The following TRPV1 variants were observed in gnomAD, a reference collection of about 807,000 sequenced individuals.
The protein encoded by TRPV1 is transient receptor potential cation channel subfamily V member 1, also known as OTRPC1.
In TRPV1, 82 loss-of-function variants were observed where a neutral mutation model predicts 82.3. The ratio of observed to expected loss-of-function variants is 1.00; its 90% CI spans 0.83 to 1.20. The LOEUF (loss-of-function observed/expected upper bound fraction) is 1.20, where lower values mean the gene tolerates loss of function less well. Ranked by LOEUF, TRPV1 falls within the 50% of genes most tolerant of loss-of-function variation. The pLI, the probability that TRPV1 is intolerant of heterozygous loss-of-function variation, is 0.00. For missense variants in TRPV1, 1,067 were observed against 1,096.8 expected, an observed-to-expected ratio of 0.97 and a Z score of 0.38; for synonymous variants, 515 against 467.7, an observed-to-expected ratio of 1.10 and a Z score of -1.30.
intron 8 of TRPV1, among the ~76,000 whole-genome samples, chr17:3,587,392 AC>A (rs1459119876): frequency 1.3e-5 from 2 of 152,198 alleles, no homozygotes; most frequent in African/African-American, 2.4e-5. Flanking sequence ...TCAGAGCATC[AC>A]CTTAGAAAGA....
At chr17:3,601,606 T>C (rs1156641023) in intron 2 of TRPV1, among the ~76,000 whole-genome samples, 6 of 144,254 alleles carry the variant, frequency 4.2e-5, no homozygotes, top group African/African-American at 1.5e-4. Flanking sequence ...ATTTCTCACC[T>C]TTTTTTTTTA....
In TRPV1 at chr17:3,603,225, T is replaced by G. The variant is rs887804995; in HGVS notation, c.-34+5202A>C. Among the ~76,000 whole-genome samples the G allele has an allele frequency of 1.6e-4, 24 of 152,234 alleles. No individual in the cohort carries two copies. In the Middle Eastern group the frequency reaches 0.02, roughly 129 times the overall value. ...GTGCCCAAGAGTCTAAAAGACCAGC[T>G]TCCGTGGAGGGCAGCGGTCTGCGAG... is the stretch of plus-strand genomic sequence containing the variant. On this transcript the variant is annotated intron_variant, in intron 2 of 16. Coordinates refer to ENST00000572705, the MANE Select transcript of TRPV1 (RefSeq NM_080704.4).
chr17:3,591,131 G>C lies in TRPV1; in HGVS notation c.452-15C>G. 6.2e-7 allele frequency: 1 copy of C among 1,611,164 alleles called. No individual in the cohort carries two copies. The stretch of plus-strand genomic sequence containing the variant: ...TGTCTCAGGGTCTGAAAGACATAAG[G>C]GAGGGTCAGGGCAGGCCAGGGCTGG... On this transcript the variant is annotated splice_polypyrimidine_tract_variant and intron_variant, in intron 4 of 16. Transcript: ENST00000572705.
intron 3 of TRPV1, 22 bp from the exon 4 acceptor site, chr17:3,591,375 C>T (rs779648814): frequency 8.4e-6 from 13 of 1,548,614 alleles, no homozygotes; most frequent in South Asian, 3.7e-5. Context: ...AAAACACGCT[C>T]GTCTCATACC....
intron 8 of TRPV1, 68 bp from the exon 9 acceptor site, chr17:3,585,994 C>T (rs967657050): frequency 5.9e-5 from 93 of 1,584,700 alleles, no homozygotes; most frequent in African/African-American, 9.4e-5. Flanking sequence ...CACACCAGCC[C>T]GTGGTGCCCC....
intron 11 of TRPV1, among the ~76,000 whole-genome samples, chr17:3,580,102 A>AC (rs200143863): frequency 6.7e-6 from 1 of 149,742 alleles, no homozygotes; most frequent in Non-Finnish European, 1.5e-5. Flanking sequence ...AGGTCGCACA[A>AC]CCCCCCGTTA....
At chr17:3,581,757 CACCT>C (rs1567664443) in intron 10 of TRPV1, among the ~76,000 whole-genome samples, 1 of 139,062 alleles carries the variant, frequency 7.2e-6, no homozygotes, top group East Asian at 2.8e-4. Context: ...CGGTGGCACG[CACCT>C]GTAGTCCCAG....
chr17:3,591,331 C>A lies in TRPV1; in HGVS notation c.307G>T (p.Ala103Ser). 1.9e-6 allele frequency: 3 copies of A among 1,591,708 alleles called. No homozygotes were observed. Among genetic ancestry groups the A allele is most frequent in the Non-Finnish European group, 2.6e-6 (3 of 1,170,668 alleles). ...CTGAGGGTCTTCTCGGTGCTGGCGG[C>A]GACAGAGTCCTGGGACAGCAGCCTG... ...GARLLSQDSV[A>S]ASTEKTLRLY... The change falls in exon 4 of 17, where the codon GCC (alanine) becomes TCC (serine). Residue 103 changes from alanine (A) to serine (S), a missense_variant. Physicochemically the swap from Ala to Ser is moderately conservative, Grantham distance 99. Coordinates refer to ENST00000572705, the MANE Select transcript of TRPV1 (RefSeq NM_080704.4).
At chr17:3,607,847 G>A (rs1449064592) in intron 2 of TRPV1, among the ~76,000 whole-genome samples, 5 of 152,068 alleles carry the variant, frequency 3.3e-5, no homozygotes, top group African/African-American at 4.8e-5. Flanking sequence ...AAAGTAGAAC[G>A]GTTTTAACAA....
At position 3,590,066 on chromosome 17, in the gene TRPV1, A is replaced by C; in HGVS notation, c.785T>G (p.Leu262Arg). 1 of 1,603,102 alleles carries C rather than the reference A, an allele frequency of 6.2e-7. No homozygotes were observed. The highest frequency in any genetic ancestry group is 8.5e-7 in the Non-Finnish European group (1 of 1,175,286). Residue 262 changes from leucine (L) to arginine (R), a missense_variant, in exon 7 of 17, where the codon CTG (leucine) becomes CGG (arginine). Leu to Arg is a moderately radical substitution (Grantham distance 102, BLOSUM62 -2). Transcript: ENST00000572705. ...CTGCAGCAGGAACTTCACGATGCCC[A>C]GCTGGTTGGTGCACGCGGCCAGGGA... ...PLSLAACTNQ[L>R]GIVKFLLQNS... is the part of the protein sequence containing the mutation.
rs222747 is a variant in TRPV1, at chr17:3,589,906, C to A, written c.945G>T (p.Met315Ile). The change falls in exon 7 of 17, where the codon ATG (methionine) becomes ATT (isoleucine). Residue 315 changes from methionine (M) to isoleucine (I), a missense_variant. Transcript: ENST00000572705. ...FVTSMYNEIL[M>I]LGAKLHPTLK... is the part of the protein sequence containing the mutation. ...GCGTCGGGTGCAGTTTGGCCCCCAGCATCAGAATCTCATTGTACATGCTCG... is the reference window on the plus strand; with the variant it reads ...GCGTCGGGTGCAGTTTGGCCCCCAGAATCAGAATCTCATTGTACATGCTCG... 1 of 1,598,226 alleles carries A rather than the reference C, an allele frequency of 6.3e-7. No homozygotes were observed. Among genetic ancestry groups the A allele is most frequent in the Non-Finnish European group, 8.5e-7 (1 of 1,172,858 alleles).
chr17:3,577,539 T>C, intron 12 of TRPV1, 59 bp downstream of exon 12: 3 of 1,534,436 alleles, frequency 2.0e-6, no homozygotes, highest in Non-Finnish European at 2.6e-6. Flanking sequence ...TGGCCCCATC[T>C]CACATGACCA....
chr17:3,585,445 C>T (rs933106209), intron 9 of TRPV1: 1 of 269,022 alleles, frequency 3.7e-6, no homozygotes, highest in South Asian at 5.2e-5. Context: ...GCCACCATGC[C>T]CGGCCCCTGC....
At chr17:3,596,610 C>T (rs896580532) in intron 2 of TRPV1, among the ~76,000 whole-genome samples, 1 of 152,230 alleles carries the variant, frequency 6.6e-6, no homozygotes, top group East Asian at 1.9e-4. Flanking sequence ...CCTCCTCCCC[C>T]GAGGACGGCT....
At chr17:3,597,798 C>T (rs1453776998) in intron 2 of TRPV1, among the ~76,000 whole-genome samples, 3 of 151,960 alleles carry the variant, frequency 2.0e-5, no homozygotes, top group African/African-American at 4.8e-5. Flanking sequence ...CTCAGCCTCC[C>T]GAATAGCTGC....
chr17:3,591,077 A>AGCATGGCT lies in TRPV1; in HGVS notation c.483_490dup (p.Leu164GlnfsTer27). 1 of 1,613,220 alleles carries AGCATGGCT rather than the reference A, an allele frequency of 6.2e-7. No individual in the cohort carries two copies. Among genetic ancestry groups the AGCATGGCT allele is most frequent in the South Asian group, 1.1e-5 (1 of 90,826 alleles). On this transcript the variant is annotated frameshift_variant, in exon 5 of 17. Transcript: ENST00000572705. LOFTEE classifies it high-confidence loss of function. ...GGTGTTCTGTCCGTCGTGCAGGTTGAGCATGGCTTTCAGCAGACAGGTCTT... is the reference window on the plus strand; with the variant it reads ...GGTGTTCTGTCCGTCGTGCAGGTTGAGCATGGCTGCATGGCTTTCAGCAGACAGGTCTT...
Position 3,589,909 on chromosome 17 carries a change from C to T in TRPV1, c.942G>A (p.Leu314=). The change falls in exon 7 of 17, where the codon CTG becomes CTA. Residue 314 remains leucine, a synonymous_variant. Coordinates refer to ENST00000572705, the MANE Select transcript of TRPV1 (RefSeq NM_080704.4). The part of the protein sequence containing the change: ...KFVTSMYNEI[L]MLGAKLHPTL... ...TCGGGTGCAGTTTGGCCCCCAGCAT[C>T]AGAATCTCATTGTACATGCTCGTCA... The T allele has an allele frequency of 6.3e-7, 1 of 1,595,364 alleles. No homozygotes were observed. Among genetic ancestry groups the T allele is most frequent in the Non-Finnish European group, 8.5e-7 (1 of 1,171,442 alleles).
chr17:3,567,074 C>T, intron 16 of TRPV1, 87 bp from the exon 17 acceptor site: 1 of 1,473,838 alleles, frequency 6.8e-7, no homozygotes, highest in South Asian at 1.3e-5. Flanking sequence ...AAAGGAGGTC[C>T]AAGACAGGCA....
chr17:3,594,207 T>C (rs1476464774), intron 2 of TRPV1, among the ~76,000 whole-genome samples: 1 of 140,700 alleles, frequency 7.1e-6, no homozygotes, highest in African/African-American at 2.8e-5. Context: ...ATAAGAGCAA[T>C]CAGACCCTTC....
Sources: gnomAD v4.1 joint callset for allele counts (sites outside exome capture counted in the v4.1 genomes callset) on GRCh38, gnomAD v4.1.1 for gene constraint, MANE v1.5 for transcripts, NCBI Gene and HGNC (gene_info 2026-07-23, HGNC 2026-07-21) for gene names.